Variants in SNX7 observed in about 807,000 individuals in gnomAD.
The protein encoded by SNX7 is sorting nexin 7.
In SNX7, 35 loss-of-function variants were observed where a neutral mutation model predicts 48.4. The ratio of observed to expected loss-of-function variants is 0.72; its 90% CI spans 0.55 to 0.96. The LOEUF (loss-of-function observed/expected upper bound fraction) is 0.96. Ranked by LOEUF, SNX7 falls within the 40% of genes least tolerant of loss-of-function variation. The pLI, the probability that SNX7 is intolerant of heterozygous loss-of-function variation, is 0.00. For synonymous variants in SNX7, 190 were observed against 190.2 expected (o/e 1.00, Z 0.01); for missense variants, 553 against 548.9 (o/e 1.01, Z -0.07).
At chr1:98,753,548 T>C (rs1292689467) in intron 8 of SNX7, among the ~76,000 whole-genome samples, 1 of 152,130 alleles carries the variant, frequency 6.6e-6, no homozygotes, top group Non-Finnish European at 1.5e-5. Flanking sequence ...CTGCTTAGAA[T>C]TTCATTTTGA....
chr1:98,750,559 T>C (rs900971554), intron 8 of SNX7, among the ~76,000 whole-genome samples: 1 of 152,130 alleles, frequency 6.6e-6, no homozygotes. Flanking sequence ...AAAAATAGTT[T>C]ATAAGATTTT....
chr1:98,749,461 T>C (rs920993657), intron 8 of SNX7, among the ~76,000 whole-genome samples: 1 of 152,104 alleles, frequency 6.6e-6, no homozygotes, highest in Non-Finnish European at 1.5e-5. Context: ...TAAAAGTAAT[T>C]TTTAGAAAAA....
intron 1 of SNX7, among the ~76,000 whole-genome samples, chr1:98,672,952 A>G (rs1193433655): frequency 1.3e-5 from 2 of 149,206 alleles, no homozygotes; most frequent in African/African-American, 4.9e-5. Context: ...AAAAAAAAAA[A>G]GAAATTATTC....
intron 1 of SNX7, among the ~76,000 whole-genome samples, chr1:98,675,511 A>G (rs1219973430): frequency 6.6e-6 from 1 of 152,136 alleles, no homozygotes; most frequent in East Asian, 1.9e-4. Flanking sequence ...ATTCATGCAG[A>G]TTTTTCCCAC....
chr1:98,733,147 T>C (rs1653601390), intron 7 of SNX7, among the ~76,000 whole-genome samples: 1 of 152,174 alleles, frequency 6.6e-6, no homozygotes, highest in Admixed American at 6.6e-5. Flanking sequence ...TATATAACAG[T>C]GTCCCTCACT....
intron 7 of SNX7, among the ~76,000 whole-genome samples, chr1:98,722,747 C>A (rs1474343411): frequency 2.0e-5 from 3 of 151,574 alleles, no homozygotes; most frequent in African/African-American, 7.3e-5. Context: ...TTATTTTGCT[C>A]AAAAATGTTG....
chr1:98,697,572 C>T (rs1270559935), intron 5 of SNX7, among the ~76,000 whole-genome samples: 1 of 151,994 alleles, frequency 6.6e-6, no homozygotes, highest in African/African-American at 2.4e-5. Context: ...GAATACATAG[C>T]GTATCAAACA....
Position 98,661,923 on chromosome 1 carries a change from G to A in SNX7, c.180+12G>A, listed in dbSNP as rs530690150. On this transcript the variant is annotated intron_variant, in intron 1 of 8. Transcript: ENST00000306121. ...AGGTGTTCAGCAAGGTGAGGGCGGC[G>A]GCGGCGAGTCCCGGGAAACTTCCAA... The A allele has an allele frequency of 1.6e-6, 2 of 1,246,874 alleles. No homozygotes were observed. The highest frequency in any genetic ancestry group is 1.6e-5 in the African/African-American group (1 of 64,474). The allele number at this position is 1,246,874 out of a possible 1,614,324, so 77.2% of individuals were successfully genotyped here.
chr1:98,735,827 A>G (rs1653747816), intron 7 of SNX7, among the ~76,000 whole-genome samples: 1 of 152,204 alleles, frequency 6.6e-6, no homozygotes, highest in Admixed American at 6.6e-5. Flanking sequence ...CATAACTTGT[A>G]AAAGACAGAA....
At chr1:98,662,944 GA>G in intron 1 of SNX7, 2 of 807,326 alleles carry the variant, frequency 2.5e-6, no homozygotes, top group Non-Finnish European at 3.4e-6. Context: ...GGTTTAAATG[GA>G]ATGATAGGCC....
At chr1:98,663,313 G>T (rs1236118796) in intron 1 of SNX7, among the ~76,000 whole-genome samples, 3 of 127,148 alleles carry the variant, frequency 2.4e-5, no homozygotes, top group African/African-American at 9.1e-5. Context: ...GACCCATCTG[G>T]CCTCAAGGGA....
intron 6 of SNX7, among the ~76,000 whole-genome samples, chr1:98,699,886 T>C (rs535787023): frequency 6.6e-6 from 1 of 152,282 alleles, no homozygotes; most frequent in South Asian, 2.1e-4. Flanking sequence ...AGCTTCTTGC[T>C]TCCCAAAAGC....
chr1:98,756,422 GTTTTTTT>G (rs35117249), intron 8 of SNX7, among the ~76,000 whole-genome samples: 1 of 54,692 alleles, frequency 1.8e-5, no homozygotes, highest in Admixed American at 3.3e-4. Flanking sequence ...TGCCAGATGA[GTTTTTTT>G]TTTTTTTTTT....
At chr1:98,726,577 T>A (rs970376087) in intron 7 of SNX7, among the ~76,000 whole-genome samples, 14 of 152,224 alleles carry the variant, frequency 9.2e-5, no homozygotes, top group Non-Finnish European at 2.9e-5. Flanking sequence ...TATATTAGTA[T>A]GTACCTTAAT....
chr1:98,738,598 A>C (rs1653915149), intron 8 of SNX7, among the ~76,000 whole-genome samples: 1 of 152,176 alleles, frequency 6.6e-6, no homozygotes, highest in Non-Finnish European at 1.5e-5. Context: ...AAAGCATTTG[A>C]TAATGCTTTC....
intron 1 of SNX7, among the ~76,000 whole-genome samples, chr1:98,671,109 C>T (rs562013151): frequency 6.6e-6 from 1 of 152,154 alleles, no homozygotes; most frequent in Non-Finnish European, 1.5e-5. Context: ...AACACAGATT[C>T]AATAGCTATG....
chr1:98,735,972 C>T (rs1008140543), intron 7 of SNX7, among the ~76,000 whole-genome samples: 18 of 152,238 alleles, frequency 1.2e-4, no homozygotes, highest in African/African-American at 4.3e-4. Context: ...TTAAGTTCTT[C>T]TCTAGGAACA....
chr1:98,755,226 A>G (rs1037745634), intron 8 of SNX7, among the ~76,000 whole-genome samples: 8 of 152,118 alleles, frequency 5.3e-5, no homozygotes, highest in African/African-American at 1.9e-4. Context: ...CCAGAATGTG[A>G]TCCATATTGG....
At chr1:98,732,503 A>AGC (rs1653564713) in intron 7 of SNX7, among the ~76,000 whole-genome samples, 2 of 152,264 alleles carry the variant, frequency 1.3e-5, no homozygotes, top group Non-Finnish European at 2.9e-5. Flanking sequence ...AACATAGAGT[A>AGC]GCGACCTGTG....
Sources: allele counts gnomAD v4.1 joint callset (sites outside exome capture counted in the v4.1 genomes callset), GRCh38; gene constraint gnomAD v4.1.1; transcripts MANE v1.5; gene names NCBI Gene and HGNC (gene_info 2026-07-23, HGNC 2026-07-21).